TRERF1: variants seen among roughly 807,000 people sequenced by gnomAD.
TRERF1 encodes the protein transcriptional regulating factor 1.
TRERF1 carries 27 observed loss-of-function variants against 122.9 expected under a neutral mutation model. That is an observed-to-expected ratio of 0.22 (90% CI 0.16 to 0.30). The LOEUF is 0.30. TRERF1 is among the 10% of genes least tolerant of loss of function. The pLI, the probability that TRERF1 is intolerant of heterozygous loss-of-function variation, is 1.00. For synonymous variants in TRERF1, 636 were observed against 641.7 expected, an observed-to-expected ratio of 0.99 and a Z score of 0.13; for missense variants, 1,248 against 1,560.3, an observed-to-expected ratio of 0.80 and a Z score of 3.37.
At chr6:42,327,992 TTTTC>T (rs917140770) in intron 3 of TRERF1, among the ~76,000 whole-genome samples, 10 of 138,104 alleles carry the variant, frequency 7.2e-5, no homozygotes, top group African/African-American at 2.5e-4. Flanking sequence ...CTAATTTTCT[TTTTC>T]TTTCTTTCTT....
chr6:42,405,457 T>A (rs936847880), intron 2 of TRERF1, among the ~76,000 whole-genome samples: 2 of 152,086 alleles, frequency 1.3e-5, no homozygotes, highest in South Asian at 4.1e-4. Context: ...GTACGTTCAA[T>A]TACAAAGCAA....
intron 4 of TRERF1, among the ~76,000 whole-genome samples, chr6:42,288,668 T>C (rs1185709821): frequency 6.6e-6 from 1 of 150,984 alleles, no homozygotes; most frequent in Non-Finnish European, 1.5e-5. Flanking sequence ...ACAGTGATGC[T>C]GTGATCTAAA....
intron 3 of TRERF1, among the ~76,000 whole-genome samples, chr6:42,349,841 T>G (rs1289150824): frequency 6.6e-6 from 1 of 152,200 alleles, no homozygotes; most frequent in Non-Finnish European, 1.5e-5. Context: ...ATCCCACTGA[T>G]TTATTTTATA....
At chr6:42,359,073 C>G (rs1316579507) in intron 3 of TRERF1, among the ~76,000 whole-genome samples, 1 of 152,182 alleles carries the variant, frequency 6.6e-6, no homozygotes, top group African/African-American at 2.4e-5. Flanking sequence ...CCTCCATCGT[C>G]AAAGCCTCCT....
intron 3 of TRERF1, among the ~76,000 whole-genome samples, chr6:42,308,416 G>A (rs1187059366): frequency 6.6e-6 from 1 of 152,196 alleles, no homozygotes; most frequent in Non-Finnish European, 1.5e-5. Flanking sequence ...TCCAGAATAG[G>A]CCAAGGCATG....
At chr6:42,425,889 C>T (rs1355837549) in intron 2 of TRERF1, among the ~76,000 whole-genome samples, 1 of 152,038 alleles carries the variant, frequency 6.6e-6, no homozygotes, top group East Asian at 1.9e-4. Context: ...TTTTCCTCCC[C>T]ACTTGCCCCC....
intron 2 of TRERF1, among the ~76,000 whole-genome samples, chr6:42,442,455 C>T (rs774151364): frequency 6.6e-6 from 1 of 152,108 alleles, no homozygotes; most frequent in Non-Finnish European, 1.5e-5. Flanking sequence ...AGAGGCCACA[C>T]CATCTAGAAA....
intron 9 of TRERF1, 86 bp from the exon 10 acceptor site, chr6:42,258,287 C>A: frequency 8.4e-7 from 1 of 1,194,250 alleles, no homozygotes. Context: ...CCTAACCAGC[C>A]ATAATAGAGC....
At chr6:42,394,874 T>TC (rs950920784) in intron 2 of TRERF1, among the ~76,000 whole-genome samples, 1 of 150,822 alleles carries the variant, frequency 6.6e-6, no homozygotes, top group African/African-American at 2.4e-5. Context: ...AAACCCAACC[T>TC]CCCCCCAACA....
At chr6:42,407,430 T>A (rs1240905862) in intron 2 of TRERF1, among the ~76,000 whole-genome samples, 2 of 152,168 alleles carry the variant, frequency 1.3e-5, no homozygotes, top group Non-Finnish European at 2.9e-5. Context: ...TCTGCAGAGA[T>A]GGGACAAAAC....
chr6:42,294,401 C>T (rs535637463), intron 4 of TRERF1, among the ~76,000 whole-genome samples: 4 of 151,794 alleles, frequency 2.6e-5, no homozygotes, highest in South Asian at 2.1e-4. Context: ...AGGCTGGTCT[C>T]GAACTCCCGG....
intron 2 of TRERF1, among the ~76,000 whole-genome samples, chr6:42,440,431 G>A (rs1675687715): frequency 6.6e-6 from 1 of 152,184 alleles, no homozygotes; most frequent in South Asian, 2.1e-4. Flanking sequence ...CAAGTGTGAA[G>A]TGGACATCAC....
chr6:42,438,163 C>T (rs1785784022), intron 2 of TRERF1, among the ~76,000 whole-genome samples: 2 of 150,988 alleles, frequency 1.3e-5, no homozygotes, highest in Non-Finnish European at 3.0e-5. Context: ...CTCAAGTGAT[C>T]CACCCACCTT....
chr6:42,430,714 T>C (rs934620143), intron 2 of TRERF1, among the ~76,000 whole-genome samples: 2 of 152,002 alleles, frequency 1.3e-5, no homozygotes, highest in Non-Finnish European at 2.9e-5. Context: ...CTGGCCAACA[T>C]GGTGAAACCC....
At chr6:42,258,716 A>T (rs1488563313) in intron 9 of TRERF1, among the ~76,000 whole-genome samples, 1 of 150,876 alleles carries the variant, frequency 6.6e-6, no homozygotes, top group Non-Finnish European at 1.5e-5. Flanking sequence ...CTGGAACTAC[A>T]GGTGCCTGCT....
intron 4 of TRERF1, among the ~76,000 whole-genome samples, chr6:42,283,541 T>TC (rs1782654430): frequency 6.6e-6 from 1 of 152,068 alleles, no homozygotes; most frequent in Admixed American, 6.5e-5. Flanking sequence ...TTTATATTTT[T>TC]CTGTGTTTTT....
chr6:42,275,080 G>GTAGC lies in TRERF1; in HGVS notation c.-258-5236_-258-5233dup, dbSNP rs1415062738. Among the ~76,000 whole-genome samples, 2 of 152,220 alleles carry GTAGC rather than the reference G, an allele frequency of 1.3e-5. No homozygotes were observed. Among genetic ancestry groups the GTAGC allele is most frequent in the African/African-American group, 4.8e-5 (2 of 41,448 alleles). On this transcript the variant is annotated intron_variant, in intron 4 of 17. Transcript: ENST00000372922. The surrounding 1 kb of genome is among the most constrained non-coding windows in gnomAD (Gnocchi z 4.1). ...ATGCACAGCCCGTCTTATACAGATG[G>GTAGC]TAGCGTGCTACGCCGTGGTTTAGCA...
intron 3 of TRERF1, among the ~76,000 whole-genome samples, chr6:42,355,968 G>A (rs953800393): frequency 1.3e-5 from 2 of 152,212 alleles, no homozygotes; most frequent in Non-Finnish European, 2.9e-5. Flanking sequence ...CATTGAGGCT[G>A]ACCAAGTTGG....
intron 2 of TRERF1, among the ~76,000 whole-genome samples, chr6:42,390,447 A>C (rs1016588643): frequency 3.3e-5 from 5 of 152,074 alleles, no homozygotes; most frequent in African/African-American, 9.7e-5. Context: ...GATTTTAAAA[A>C]GAAAAAAAAA....
Sources: gnomAD v4.1 joint callset for allele counts (sites outside exome capture counted in the v4.1 genomes callset) on GRCh38, gnomAD v4.1.1 for gene constraint, Gnocchi (gnomAD v3.1) non-coding constraint, MANE v1.5 for transcripts, NCBI Gene and HGNC (gene_info 2026-07-23, HGNC 2026-07-21) for gene names.